QSOX2: variants seen among roughly 807,000 people sequenced by gnomAD.
QSOX2 encodes sulfhydryl oxidase 2.
In QSOX2, 46 loss-of-function variants were observed where a neutral mutation model predicts 61.7. The ratio of observed to expected loss-of-function variants is 0.75; its 90% CI spans 0.59 to 0.95. The LOEUF (loss-of-function observed/expected upper bound fraction) is 0.95. QSOX2 is among the 40% of genes least tolerant of loss of function. QSOX2 has a pLI of 0.00. For synonymous variants in QSOX2, 383 were observed against 388.4 expected (o/e 0.99, Z 0.16); for missense variants, 879 against 918.9 (o/e 0.96, Z 0.56).
chr9:136,231,585 T>C (rs113703515), intron 1 of QSOX2, among the ~76,000 whole-genome samples: 5,682 of 152,234 alleles, frequency 0.037, 169 homozygotes, highest in African/African-American at 0.079. Context: ...TCCCCACACA[T>C]AGGAGGCCCC....
intron 1 of QSOX2, among the ~76,000 whole-genome samples, chr9:136,234,008 C>A (rs966337673): frequency 1.3e-5 from 2 of 152,210 alleles, no homozygotes; most frequent in Non-Finnish European, 2.9e-5. Context: ...ACTGCCTCCA[C>A]CTCCTCTGCC....
chr9:136,239,678 G>A (rs1026691984), intron 1 of QSOX2, among the ~76,000 whole-genome samples: 4 of 152,202 alleles, frequency 2.6e-5, no homozygotes, highest in African/African-American at 9.7e-5. Flanking sequence ...GTAGAGCTAC[G>A]CTCCCAACAC....
intron 6 of QSOX2, 61 bp from the exon 7 acceptor site, chr9:136,219,225 G>A (rs1012872625): frequency 4.9e-5 from 77 of 1,573,118 alleles, no homozygotes; most frequent in East Asian, 2.3e-5. Flanking sequence ...TAAAGTAGGA[G>A]CCGTGGCATT....
At chr9:136,218,860 CAAGT>C in intron 7 of QSOX2, 52 bp from the exon 8 acceptor site, 1 of 1,599,202 alleles carries the variant, frequency 6.3e-7, no homozygotes, top group Non-Finnish European at 8.5e-7. Context: ...CCCTCCACAG[CAAGT>C]CTCCCTGTCC....
intron 1 of QSOX2, among the ~76,000 whole-genome samples, chr9:136,229,666 G>A (rs969453401): frequency 2.0e-5 from 3 of 152,168 alleles, no homozygotes; most frequent in Non-Finnish European, 4.4e-5. Flanking sequence ...AGAAGAAAAC[G>A]TTCCAAGATG....
chr9:136,220,044 A>G (rs767558610), intron 6 of QSOX2, among the ~76,000 whole-genome samples: 3 of 152,076 alleles, frequency 2.0e-5, no homozygotes, highest in Non-Finnish European at 2.9e-5. Flanking sequence ...TCATTTATCT[A>G]TTTTTGAGAC....
intron 1 of QSOX2, among the ~76,000 whole-genome samples, chr9:136,235,360 T>C (rs1830371831): frequency 6.6e-6 from 1 of 152,086 alleles, no homozygotes; most frequent in African/African-American, 2.4e-5. Context: ...CCAGGGACAC[T>C]GCTGGGCCCT....
intron 1 of QSOX2, among the ~76,000 whole-genome samples, chr9:136,235,447 G>A (rs895347903): frequency 4.6e-5 from 7 of 152,248 alleles, no homozygotes; most frequent in South Asian, 2.1e-4. Context: ...GGAGGCGGCC[G>A]CGGGAGCACC....
At position 136,209,816 on chromosome 9, in the gene QSOX2, A is replaced by C; in HGVS notation, c.1550-541T>G. The C allele has an allele frequency of 1.0e-6, 1 of 985,350 alleles. No homozygotes were observed. The highest frequency in any genetic ancestry group is 4.7e-5 in the South Asian group (1 of 21,292). The allele number at this position is 985,350 out of a possible 1,614,324, so 61.0% of individuals were successfully genotyped here. A position where few individuals can be genotyped will look rare whatever the true frequency, so the allele number is the denominator to read the frequency against. On this transcript the variant is annotated intron_variant, in intron 11 of 11. Transcript: ENST00000358701. This position sits in a 1 kb window ranked among gnomAD's most constrained non-coding sequence, Gnocchi z 5.6. ...TGAATTTCCACTGCACTTCAGGTAC[A>C]CTGGCCCTTTCCGGACTACAAATCC...
intron 10 of QSOX2, among the ~76,000 whole-genome samples, chr9:136,213,638 C>T (rs141340622): frequency 9.1e-4 from 138 of 151,396 alleles, no homozygotes; most frequent in Non-Finnish European, 1.9e-3. Flanking sequence ...TTTCAGAAGG[C>T]CACTATAGTG....
chr9:136,213,243 GTTTTT>G (rs398046934), intron 10 of QSOX2, among the ~76,000 whole-genome samples: 17,784 of 110,988 alleles, frequency 0.16, 1,129 homozygotes, highest in Middle Eastern at 0.3. Flanking sequence ...GTTTTGTTGT[GTTTTT>G]TTTTTTTTTT....
chr9:136,223,325 G>C lies in QSOX2; in HGVS notation c.675+438C>G, dbSNP rs1030467472. On this transcript the variant is annotated intron_variant, in intron 5 of 11. Coordinates refer to ENST00000358701, the MANE Select transcript of QSOX2 (RefSeq NM_181701.4). The surrounding 1 kb of genome is among the most constrained non-coding windows in gnomAD (Gnocchi z 4.4). Reference sequence around the variant, plus strand: ...CAGAAGCAAGGCTTCAGAACTGTACGTGTGAAATCAAAGTATGACGATAGA... The same window carrying C: ...CAGAAGCAAGGCTTCAGAACTGTACCTGTGAAATCAAAGTATGACGATAGA... Among the ~76,000 whole-genome samples the C allele has an allele frequency of 2.0e-5, 3 of 152,208 alleles. No individual in the cohort carries two copies. Among genetic ancestry groups the C allele is most frequent in the African/African-American group, 7.2e-5 (3 of 41,434 alleles).
intron 7 of QSOX2, 80 bp from the exon 8 acceptor site, chr9:136,218,888 C>A (rs928130944): frequency 4.4e-6 from 7 of 1,577,550 alleles, no homozygotes; most frequent in Non-Finnish European, 5.2e-6. Context: ...CTCCTCCCCA[C>A]GGACTCCCAG....
rs1479933218 is a variant in QSOX2 at position 136,226,851 on chromosome 9, C to G, written c.352G>C (p.Ala118Pro). Residue 118 changes from alanine (A) to proline (P), a missense_variant, in exon 2 of 12, where the codon GCA becomes CCA. By Grantham distance (27) the Ala-to-Pro change is conservative (BLOSUM62 -1). Coordinates refer to ENST00000358701, the MANE Select transcript of QSOX2 (RefSeq NM_181701.4). ...TTCTCTTCCATGCAGTCCAGAGCTG[C>G]GACGCGAATGGCACTGGCCCAGTCT... Reference protein sequence around the residue: ...VRDWASAIRVAALDCMEEKNQ... With the variant: ...VRDWASAIRVPALDCMEEKNQ... The G allele has an allele frequency of 6.2e-7, 1 of 1,614,034 alleles. No homozygotes were observed. Among genetic ancestry groups the G allele is most frequent in the Non-Finnish European group, 8.5e-7 (1 of 1,180,012 alleles).
chr9:136,214,285 C>A (rs1437609647), intron 10 of QSOX2, among the ~76,000 whole-genome samples: 1 of 152,090 alleles, frequency 6.6e-6, no homozygotes, highest in East Asian at 1.9e-4. Flanking sequence ...AGGTTTTAAC[C>A]CCTTGTGGTG....
At position 136,209,657 on chromosome 9, in the gene QSOX2, C is replaced by T. The variant is rs955989388; in HGVS notation, c.1550-382G>A. 6.1e-6 allele frequency: 6 copies of T among 985,080 alleles called. No individual in the cohort carries two copies. The African/African-American group carries it at 8.7e-5, about 14-fold the overall frequency. The allele number at this position is 985,080 out of a possible 1,614,324, so 61.0% of individuals were successfully genotyped here. The stretch of plus-strand genomic sequence containing the variant: ...TCCGCACAGTGCTGCCTGTGTGCCC[C>T]TCCCCCCACTGCTGCCCCTCTGCCC... On this transcript the variant is annotated intron_variant, in intron 11 of 11. Coordinates refer to ENST00000358701, the MANE Select transcript of QSOX2 (RefSeq NM_181701.4). The surrounding 1 kb of genome is among the most constrained non-coding windows in gnomAD (Gnocchi z 5.6).
rs1022849154 is a variant in QSOX2, at chr9:136,223,483, G to C, written c.675+280C>G. 1.1e-4 allele frequency among the ~76,000 whole-genome samples: 17 copies of C among 152,166 alleles called. No homozygotes were observed. Among genetic ancestry groups the C allele is most frequent in the Non-Finnish European group, 1.0e-4 (7 of 68,028 alleles). On this transcript the variant is annotated intron_variant, in intron 5 of 11. Transcript: ENST00000358701. This position sits in a 1 kb window ranked among gnomAD's most constrained non-coding sequence, Gnocchi z 4.4. ...GGTGAGCTGGGCGTGTCATAAAAATGAGATCTTCTGCAAAGCCCCCTCTTA... is the reference window on the plus strand; with the variant it reads ...GGTGAGCTGGGCGTGTCATAAAAATCAGATCTTCTGCAAAGCCCCCTCTTA...
At chr9:136,211,764 C>T (rs1464630627) in intron 10 of QSOX2, among the ~76,000 whole-genome samples, 3 of 152,204 alleles carry the variant, frequency 2.0e-5, no homozygotes, top group Admixed American at 2.0e-4. Flanking sequence ...AGGAGCCCTT[C>T]CAGGGGCGCC....
Position 136,245,772 on chromosome 9 carries a change from C to T in QSOX2, c.32G>A (p.Ser11Asn). The change falls in exon 1 of 12, where the codon AGC becomes AAC. Residue 11 changes from serine (S) to asparagine (N), a missense_variant. By Grantham distance (46) the Ser-to-Asn change is conservative. Coordinates refer to ENST00000358701, the MANE Select transcript of QSOX2 (RefSeq NM_181701.4). MAAAGAAVAR[S>N]PGIGAGPALR... ...CGCAGGTCCCGCTCCGATTCCCGGG[C>T]TGCGCGCCACCGCCGCCCCGGCCGC... 9 of 1,157,600 alleles carry T rather than the reference C, an allele frequency of 7.8e-6. No individual in the cohort carries two copies. The highest frequency in any genetic ancestry group is 3.5e-4 in the Middle Eastern group (1 of 2,842). The allele number at this position is 1,157,600 out of a possible 1,614,324, so 71.7% of individuals were successfully genotyped here. A position where few individuals can be genotyped will look rare whatever the true frequency, so the allele number is the denominator to read the frequency against.
Sources: gnomAD v4.1 joint callset for allele counts (sites outside exome capture counted in the v4.1 genomes callset) on GRCh38, gnomAD v4.1.1 for gene constraint, Gnocchi (gnomAD v3.1) non-coding constraint, MANE v1.5 for transcripts, NCBI Gene and HGNC (gene_info 2026-07-23, HGNC 2026-07-21) for gene names.